The following TRIP4 variants were observed in gnomAD, a reference collection of about 807,000 sequenced individuals.
TRIP4 encodes activating signal cointegrator 1.
A neutral mutation model predicts 81.8 loss-of-function variants in TRIP4; 54 were observed. That is an observed-to-expected ratio of 0.66 (90% CI 0.53 to 0.83). The LOEUF is 0.83. Ranked by LOEUF, TRIP4 falls within the 40% of genes least tolerant of loss-of-function variation. TRIP4 has a pLI of 0.00. For missense variants in TRIP4, 662 were observed against 683.6 expected, an observed-to-expected ratio of 0.97 and a Z score of 0.35; for synonymous variants, 270 against 242.8, an observed-to-expected ratio of 1.11 and a Z score of -1.04.
chr15:64,427,787 A>C (rs1892180412), intron 11 of TRIP4, among the ~76,000 whole-genome samples: 1 of 152,074 alleles, frequency 6.6e-6, no homozygotes, highest in Non-Finnish European at 1.5e-5. Flanking sequence ...CAATGCATGC[A>C]TTTTGGTGTG....
chr15:64,450,393 G>GAA (rs1005400086), intron 12 of TRIP4, among the ~76,000 whole-genome samples: 22 of 46,942 alleles, frequency 4.7e-4, no homozygotes, highest in African/African-American at 1.1e-3. Flanking sequence ...CGTCTCAAAA[G>GAA]AAAAAAAAAA....
At chr15:64,429,282 A>C (rs977123854) in intron 11 of TRIP4, among the ~76,000 whole-genome samples, 16 of 152,122 alleles carry the variant, frequency 1.1e-4, no homozygotes, top group African/African-American at 3.9e-4. Flanking sequence ...GTGCCACTGC[A>C]CTCCAGCCTG....
chr15:64,452,686 C>G (rs1178087107), intron 12 of TRIP4, among the ~76,000 whole-genome samples: 1 of 152,122 alleles, frequency 6.6e-6, no homozygotes, highest in African/African-American at 2.4e-5. Context: ...ACAAGGTTTC[C>G]TGTTCTTTTC....
chr15:64,397,847 A>G (rs1900339395), intron 4 of TRIP4, 29 bp downstream of exon 4: 1 of 1,610,364 alleles, frequency 6.2e-7, no homozygotes. Flanking sequence ...ATTTTATTTT[A>G]CTGTGCTTTG....
chr15:64,401,325 T>C (rs1422477674), intron 5 of TRIP4, among the ~76,000 whole-genome samples: 1 of 152,062 alleles, frequency 6.6e-6, no homozygotes, highest in South Asian at 2.1e-4. Context: ...TTAGTAGAGA[T>C]GGGGTTTCAC....
intron 11 of TRIP4, among the ~76,000 whole-genome samples, chr15:64,427,457 C>G (rs1892173968): frequency 6.6e-6 from 1 of 152,086 alleles, no homozygotes; most frequent in African/African-American, 2.4e-5. Flanking sequence ...CTCACTGCAA[C>G]CTCTGCCTCC....
In TRIP4 at chr15:64,406,468, G is replaced by A; in HGVS notation, c.827+9G>A. The stretch of plus-strand genomic sequence containing the variant: ...GAGTTTGACAGAACTAGGTATGAAA[G>A]GGTTAGAATAACAAATGCTAAGAAA... On this transcript the variant is annotated intron_variant, in intron 6 of 12. Coordinates refer to ENST00000261884, the MANE Select transcript of TRIP4 (RefSeq NM_016213.5). The A allele has an allele frequency of 6.2e-7, 1 of 1,610,666 alleles. No individual in the cohort carries two copies. Among genetic ancestry groups the A allele is most frequent in the Non-Finnish European group, 8.5e-7 (1 of 1,178,820 alleles).
chr15:64,433,931 A>G (rs529746940), intron 11 of TRIP4, among the ~76,000 whole-genome samples: 110 of 151,470 alleles, frequency 7.3e-4, no homozygotes, highest in African/African-American at 2.5e-3. Flanking sequence ...TTTTTTTTAA[A>G]GCTCATCAGT....
chr15:64,408,910 G>C (rs1290295371), intron 6 of TRIP4, among the ~76,000 whole-genome samples: 2 of 151,980 alleles, frequency 1.3e-5, no homozygotes, highest in African/African-American at 4.8e-5. Context: ...TAGGGTAATA[G>C]AATGTCTTAA....
At chr15:64,414,011 AT>A in intron 7 of TRIP4, 73 bp from the exon 8 acceptor site, 1 of 1,549,302 alleles carries the variant, frequency 6.5e-7, no homozygotes, top group South Asian at 1.2e-5. Flanking sequence ...CTATTAAAGC[AT>A]TTTATGTTGG....
chr15:64,413,514 C>A (rs1439755518), intron 7 of TRIP4, among the ~76,000 whole-genome samples: 1 of 152,084 alleles, frequency 6.6e-6, no homozygotes, highest in Non-Finnish European at 1.5e-5. Context: ...GTTTAATGAT[C>A]TTGTTGAGCA....
intron 9 of TRIP4, among the ~76,000 whole-genome samples, chr15:64,423,644 G>T (rs1892068855): frequency 6.6e-6 from 1 of 152,080 alleles, no homozygotes. Flanking sequence ...CTAGGGAAAG[G>T]TTAGCCTTTG....
At chr15:64,413,198 AC>A (rs925907926) in intron 7 of TRIP4, among the ~76,000 whole-genome samples, 5 of 152,062 alleles carry the variant, frequency 3.3e-5, no homozygotes, top group African/African-American at 1.2e-4. Context: ...TTCCTAGGCA[AC>A]TTTTTTTTTT....
intron 5 of TRIP4, among the ~76,000 whole-genome samples, chr15:64,405,896 G>A (rs1300607055): frequency 2.0e-5 from 3 of 152,198 alleles, no homozygotes; most frequent in Non-Finnish European, 4.4e-5. Flanking sequence ...GGAAGCTGAG[G>A]TGGAAGGATC....
intron 9 of TRIP4, among the ~76,000 whole-genome samples, chr15:64,421,142 C>T (rs912481177): frequency 3.3e-5 from 5 of 150,352 alleles, no homozygotes; most frequent in African/African-American, 9.7e-5. Flanking sequence ...ATTAGCCAGG[C>T]GTGGTGGTGT....
At chr15:64,444,748 T>G in intron 11 of TRIP4, 1 of 163,866 alleles carries the variant, frequency 6.1e-6, no homozygotes, top group South Asian at 2.1e-4. Flanking sequence ...CAGGTATCCT[T>G]TTTTTTTTTT....
intron 9 of TRIP4, among the ~76,000 whole-genome samples, chr15:64,422,784 A>G (rs1460050869): frequency 6.6e-6 from 1 of 152,222 alleles, no homozygotes; most frequent in African/African-American, 2.4e-5. Flanking sequence ...TCCCACAGAA[A>G]TAAAGTAGGT....
chr15:64,423,927 T>C, intron 9 of TRIP4, 104 bp from the exon 10 acceptor site: 1 of 1,423,192 alleles, frequency 7.0e-7, no homozygotes. Flanking sequence ...TCTATAGACC[T>C]CTTGGTTCAA....
At chr15:64,419,320 GCT>G (rs1246834812) in intron 9 of TRIP4, among the ~76,000 whole-genome samples, 1 of 151,970 alleles carries the variant, frequency 6.6e-6, no homozygotes, top group Non-Finnish European at 1.5e-5. Flanking sequence ...ATATTTAATA[GCT>G]TACTATTCCG....
Sources: gnomAD v4.1 joint callset for allele counts (sites outside exome capture counted in the v4.1 genomes callset) on GRCh38, gnomAD v4.1.1 for gene constraint, MANE v1.5 for transcripts, NCBI Gene and HGNC (gene_info 2026-07-23, HGNC 2026-07-21) for gene names.